MAGI3: variants seen among roughly 807,000 people sequenced by gnomAD.
MAGI3 encodes the protein membrane associated guanylate kinase, WW and PDZ domain containing 3.
Under a neutral mutation model 121.8 loss-of-function variants are expected in MAGI3, and 43 were observed. The observed-to-expected ratio is 0.35, with a 90% CI of 0.28 to 0.46. The LOEUF is 0.46. Among genes scored for constraint, MAGI3 ranks in the 20% least tolerant of loss-of-function variants. The probability of loss-of-function intolerance (pLI) is 1.00; values close to 1 mark genes in which losing one functional copy is unlikely to be tolerated. For missense variants in MAGI3, 1,547 were observed against 1,797.3 expected (o/e 0.86, Z 2.52); for synonymous variants, 553 against 639.3 (o/e 0.86, Z 2.04).
intron 1 of MAGI3, among the ~76,000 whole-genome samples, chr1:113,514,326 G>A (rs1460240006): frequency 6.6e-6 from 1 of 152,134 alleles, no homozygotes; most frequent in Non-Finnish European, 1.5e-5. Flanking sequence ...ACATGCACAT[G>A]TATGTTTATT....
At chr1:113,523,896 TC>T (rs2101630471) in intron 1 of MAGI3, among the ~76,000 whole-genome samples, 1 of 152,206 alleles carries the variant, frequency 6.6e-6, no homozygotes, top group African/African-American at 2.4e-5. Flanking sequence ...GCCCCTTCCA[TC>T]ACAGGCCTGG....
In MAGI3 at chr1:113,683,747, A is replaced by G. The variant is rs1183054025; in HGVS notation, c.4179A>G (p.Thr1393=). The change falls in exon 21 of 21, where the codon ACA becomes ACG. Residue 1393 remains threonine, a synonymous_variant. Transcript: ENST00000307546. ...EKGKKVTTGE[T]SSSNDKIGEN... ...GAAAGAAAGTAACCACAGGAGAAAC[A>G]AGTTCTAGTAACGATAAAATAGGAG... is the stretch of plus-strand genomic sequence containing the variant. 2 of 1,601,918 alleles carry G rather than the reference A, an allele frequency of 1.2e-6. No homozygotes were observed. The highest frequency in any genetic ancestry group is 3.5e-5 in the Admixed American group (2 of 57,722).
intron 2 of MAGI3, among the ~76,000 whole-genome samples, chr1:113,550,284 C>T (rs531727715): frequency 1.5e-4 from 22 of 150,782 alleles, no homozygotes; most frequent in African/African-American, 5.3e-4. Context: ...GGGTGCGTCG[C>T]AGGCGCCTGT....
intron 1 of MAGI3, among the ~76,000 whole-genome samples, chr1:113,505,704 A>G (rs1023987249): frequency 1.3e-5 from 2 of 152,172 alleles, no homozygotes; most frequent in Non-Finnish European, 2.9e-5. Flanking sequence ...GGTGAATTTG[A>G]CAAAAGAGCT....
At position 113,594,556 on chromosome 1, in the gene MAGI3, T is replaced by C. The variant is rs1340243951; in HGVS notation, c.1014T>C (p.Asp338=). The C allele has an allele frequency of 2.5e-6, 4 of 1,610,926 alleles. No individual in the cohort carries two copies. The Admixed American group carries it at 5.0e-5, about 20-fold the overall frequency. The change falls in exon 6 of 21, where the codon GAT becomes GAC. Residue 338 remains aspartate, a synonymous_variant. Transcript: ENST00000307546. ...KKAKAPEDCE[D]GELPYGWEKI... Reference sequence around the variant, plus strand: ...CCAAAGCCCCTGAAGACTGTGAAGATGGAGGTAGAGATTCAGAAACTTACT... The same window carrying C: ...CCAAAGCCCCTGAAGACTGTGAAGACGGAGGTAGAGATTCAGAAACTTACT...
chr1:113,534,155 T>C (rs1658858279), intron 1 of MAGI3, among the ~76,000 whole-genome samples: 1 of 152,234 alleles, frequency 6.6e-6, no homozygotes, highest in East Asian at 1.9e-4. Flanking sequence ...CTTCTAATGC[T>C]GCTTCTACTG....
intron 1 of MAGI3, among the ~76,000 whole-genome samples, chr1:113,509,899 C>T (rs1657531727): frequency 6.7e-6 from 1 of 150,200 alleles, no homozygotes; most frequent in South Asian, 2.1e-4. Context: ...CGGTGCTGTT[C>T]ACTCTGACAG....
At chr1:113,392,840 T>G (rs1650900864) in intron 1 of MAGI3, among the ~76,000 whole-genome samples, 2 of 152,322 alleles carry the variant, frequency 1.3e-5, no homozygotes, top group Admixed American at 1.3e-4. Context: ...GTAATTCAGC[T>G]AGTCAGGCAC....
chr1:113,439,950 A>G (rs934015833), intron 1 of MAGI3, among the ~76,000 whole-genome samples: 1 of 152,104 alleles, frequency 6.6e-6, no homozygotes, highest in East Asian at 1.9e-4. Flanking sequence ...TTTCTTTACT[A>G]CTAGTGTAAT....
In MAGI3 at chr1:113,503,813, G is replaced by T. The variant is rs1230027443; in HGVS notation, c.317-45702G>T. Among the ~76,000 whole-genome samples, 3 of 151,990 alleles carry T rather than the reference G, an allele frequency of 2.0e-5. No homozygotes were observed. The East Asian group carries it at 5.8e-4, about 29-fold the overall frequency. On this transcript the variant is annotated intron_variant, in intron 1 of 20. Transcript: ENST00000307546. ...AAATATATGTGACTGGGAATGACAT[G>T]AATAGAAACTTCTGGAAAATGGAAT...
intron 20 of MAGI3, chr1:113,682,682 TTGTG>T (rs1237898130): frequency 1.0e-6 from 1 of 978,282 alleles, no homozygotes; most frequent in African/African-American, 1.8e-5. Flanking sequence ...GAATATTATT[TTGTG>T]TATATAAACA....
intron 9 of MAGI3, 137 bp from the exon 10 acceptor site, chr1:113,641,774 A>G (rs1377320110): frequency 1.3e-5 from 9 of 669,612 alleles, no homozygotes; most frequent in Non-Finnish European, 2.1e-5. Flanking sequence ...TGTGTTAGAA[A>G]TCTATCTTTT....
intron 1 of MAGI3, among the ~76,000 whole-genome samples, chr1:113,525,425 T>C (rs1570800829): frequency 6.6e-6 from 1 of 152,192 alleles, no homozygotes; most frequent in East Asian, 1.9e-4. Context: ...TAGCTTGCTT[T>C]GTAACATGTT....
chr1:113,405,475 A>G (rs899321331), intron 1 of MAGI3, among the ~76,000 whole-genome samples: 28 of 23,716 alleles, frequency 1.2e-3, no homozygotes, highest in African/African-American at 8.9e-3. Context: ...AAACTGTCTC[A>G]AAAAAAAAAA....
chr1:113,490,776 A>G (rs911953376), intron 1 of MAGI3, among the ~76,000 whole-genome samples: 5 of 152,190 alleles, frequency 3.3e-5, no homozygotes, highest in African/African-American at 7.2e-5. Context: ...GAAAGATCAG[A>G]AAAGACAAAG....
chr1:113,590,621 A>G lies in MAGI3; in HGVS notation c.901A>G (p.Met301Val), dbSNP rs747551980. The G allele has an allele frequency of 6.2e-7, 1 of 1,613,786 alleles. No individual in the cohort carries two copies. Among genetic ancestry groups the G allele is most frequent in the South Asian group, 1.1e-5 (1 of 91,078 alleles). The change falls in exon 5 of 21, where the codon ATG (methionine) becomes GTG (valine). Residue 301 changes from methionine (M) to valine (V), a missense_variant. Transcript: ENST00000307546. Reference protein sequence around the residue: ...TLEPLPKNWEMAYTDTGMIYF... With the variant: ...TLEPLPKNWEVAYTDTGMIYF... Reference sequence around the variant, plus strand: ...GGAACCACTGCCCAAAAACTGGGAAATGGCCTACACTGACACAGGGATGAT... The same window carrying G: ...GGAACCACTGCCCAAAAACTGGGAAGTGGCCTACACTGACACAGGGATGAT...
intron 9 of MAGI3, among the ~76,000 whole-genome samples, chr1:113,636,630 G>A (rs1250400676): frequency 3.3e-5 from 5 of 149,890 alleles, no homozygotes; most frequent in Middle Eastern, 6.9e-3. Flanking sequence ...CATTTGCTGA[G>A]GAGAGCTTTA....
intron 1 of MAGI3, among the ~76,000 whole-genome samples, chr1:113,480,503 C>G (rs774242171): frequency 3.9e-4 from 60 of 152,288 alleles, no homozygotes; most frequent in Middle Eastern, 3.4e-3. Context: ...GATGTTAGCT[C>G]TGTAGGAGTG....
intron 9 of MAGI3, among the ~76,000 whole-genome samples, chr1:113,634,840 C>T (rs1286271164): frequency 3.3e-5 from 5 of 151,730 alleles, no homozygotes; most frequent in South Asian, 2.1e-4. Flanking sequence ...GCCATTTTCA[C>T]GATATTGATT....
Sources: gnomAD v4.1 joint callset for allele counts (sites outside exome capture counted in the v4.1 genomes callset) on GRCh38, gnomAD v4.1.1 for gene constraint, MANE v1.5 for transcripts, NCBI Gene and HGNC (gene_info 2026-07-23, HGNC 2026-07-21) for gene names.